AP3B1: variants seen among roughly 807,000 people sequenced by gnomAD.
AP3B1 encodes the protein AP-3 complex subunit beta-1.
A neutral mutation model predicts 132.5 loss-of-function variants in AP3B1; 61 were observed. The observed-to-expected ratio is 0.46, with a 90% CI of 0.37 to 0.57. The LOEUF (loss-of-function observed/expected upper bound fraction) is 0.57. AP3B1 is among the 20% of genes least tolerant of loss of function. The pLI, the probability that AP3B1 is intolerant of heterozygous loss-of-function variation, is 0.00. For synonymous variants in AP3B1, 388 were observed against 438.3 expected (o/e 0.89, Z 1.43); for missense variants, 1,120 against 1,289.4 (o/e 0.87, Z 2.01).
chr5:78,177,230 A>G, intron 9 of AP3B1, 109 bp downstream of exon 9: 1 of 736,868 alleles, frequency 1.4e-6, no homozygotes, highest in Admixed American at 2.5e-5. Context: ...TGATCGATTG[A>G]TTAAAATATA....
intron 17 of AP3B1, among the ~76,000 whole-genome samples, chr5:78,119,236 G>A (rs1478560601): frequency 6.6e-6 from 1 of 152,048 alleles, no homozygotes; most frequent in Non-Finnish European, 1.5e-5. Context: ...CACAAAGATG[G>A]GGAAAAAACA....
chr5:78,097,398 C>T (rs1442034719), intron 21 of AP3B1, among the ~76,000 whole-genome samples: 40 of 132,486 alleles, frequency 3.0e-4, no homozygotes, highest in African/African-American at 9.9e-4. Flanking sequence ...GTCAGCCCCC[C>T]GCCCGGCCAG....
intron 21 of AP3B1, among the ~76,000 whole-genome samples, chr5:78,096,601 T>C (rs1374290035): frequency 7.0e-6 from 1 of 143,630 alleles, no homozygotes; most frequent in Non-Finnish European, 1.5e-5. Context: ...GTCTGAGATG[T>C]GGGGAGCGCC....
At position 78,122,124 on chromosome 5, in the gene AP3B1, C is replaced by A. The variant is rs570520978; in HGVS notation, c.1969-5890G>T. On this transcript the variant is annotated intron_variant, in intron 17 of 26. Coordinates refer to ENST00000255194, the MANE Select transcript of AP3B1 (RefSeq NM_003664.5). ...ATGATTATCTCAATAGATGCAGAAA[C>A]GGCCTTTGACAAAATTCAACAACCC... 6.6e-3 allele frequency among the ~76,000 whole-genome samples: 997 copies of A among 152,070 alleles called. 8 individuals are homozygous for A. The highest frequency in any genetic ancestry group is 0.023 in the African/African-American group (951 of 41,468).
intron 6 of AP3B1, among the ~76,000 whole-genome samples, chr5:78,219,853 A>C (rs1029944821): frequency 1.5e-4 from 23 of 152,196 alleles, no homozygotes; most frequent in Non-Finnish European, 4.4e-5. Flanking sequence ...AAAGTTTAAT[A>C]GATCAACATC....
At chr5:78,188,446 A>G (rs1222723156) in intron 7 of AP3B1, among the ~76,000 whole-genome samples, 2 of 152,222 alleles carry the variant, frequency 1.3e-5, no homozygotes, top group African/African-American at 2.4e-5. Flanking sequence ...TCTCAAAAAA[A>G]GATATACATG....
In AP3B1 at chr5:78,073,071, G is replaced by C. The variant is rs534238607; in HGVS notation, c.2577+16322C>G. ...GGTTTTTACTTTTCTTTGATATTAG[G>C]GTTATATACTGTACTTGTTTTTACT... is the stretch of plus-strand genomic sequence containing the variant. On this transcript the variant is annotated intron_variant, in intron 22 of 26. Coordinates refer to ENST00000255194, the MANE Select transcript of AP3B1 (RefSeq NM_003664.5). Among the ~76,000 whole-genome samples, 7 of 152,090 alleles carry C rather than the reference G, an allele frequency of 4.6e-5. No individual in the cohort carries two copies. In the South Asian group the frequency reaches 1.5e-3, roughly 32 times the overall value.
chr5:78,274,032 GAA>G (rs57157997), intron 1 of AP3B1, among the ~76,000 whole-genome samples: 3,610 of 91,522 alleles, frequency 0.039, 91 homozygotes, highest in East Asian at 0.2. Flanking sequence ...AGAAAAAAAG[GAA>G]AAAAAAAAAA....
At chr5:78,045,026 C>T (rs1475808320) in intron 22 of AP3B1, among the ~76,000 whole-genome samples, 1 of 152,154 alleles carries the variant, frequency 6.6e-6, no homozygotes, top group African/African-American at 2.4e-5. Flanking sequence ...TCACAATAAA[C>T]AGGATCATAA....
In AP3B1 at chr5:78,107,426, C is replaced by T. The variant is rs544371599; in HGVS notation, c.2397+2781G>A. Reference sequence around the variant, plus strand: ...TCATGTACACACACTCTGTTTTTTTCACTCCATGCTCCCTCTCTCTCTCTT... The same window carrying T: ...TCATGTACACACACTCTGTTTTTTTTACTCCATGCTCCCTCTCTCTCTCTT... On this transcript the variant is annotated intron_variant, in intron 20 of 26. Transcript: ENST00000255194. Among the ~76,000 whole-genome samples the T allele has an allele frequency of 2.4e-4, 36 of 152,228 alleles. 1 individual carries two copies. Among genetic ancestry groups the T allele is most frequent in the African/African-American group, 8.7e-4 (36 of 41,550 alleles).
intron 15 of AP3B1, among the ~76,000 whole-genome samples, chr5:78,137,471 C>T (rs1752968199): frequency 6.6e-6 from 1 of 152,192 alleles, no homozygotes; most frequent in African/African-American, 2.4e-5. Flanking sequence ...CTCTTCTCTA[C>T]TTCCTCAAGC....
intron 1 of AP3B1, among the ~76,000 whole-genome samples, chr5:78,279,101 A>C (rs1364400331): frequency 6.6e-6 from 1 of 152,222 alleles, no homozygotes; most frequent in Non-Finnish European, 1.5e-5. Flanking sequence ...GGAAAGCAAG[A>C]TACATAGAGA....
intron 19 of AP3B1, among the ~76,000 whole-genome samples, chr5:78,113,431 A>C (rs925069306): frequency 6.6e-6 from 1 of 152,210 alleles, no homozygotes; most frequent in Non-Finnish European, 1.5e-5. Context: ...GAAGGATTTA[A>C]TTTTAGCCCT....
At chr5:78,129,034 A>T in intron 16 of AP3B1, 87 bp downstream of exon 16, 1 of 1,078,960 alleles carries the variant, frequency 9.3e-7, no homozygotes, top group Non-Finnish European at 1.3e-6. Flanking sequence ...ATTTCCTAAG[A>T]GATAAATTTT....
intron 2 of AP3B1, among the ~76,000 whole-genome samples, chr5:78,263,614 G>C (rs757792484): frequency 2.6e-5 from 4 of 152,290 alleles, no homozygotes; most frequent in Middle Eastern, 6.8e-3. Context: ...TGAGTGTGAT[G>C]CTAGTTTTGG....
intron 12 of AP3B1, among the ~76,000 whole-genome samples, chr5:78,163,615 GTA>G (rs201406567): frequency 0.042 from 5,996 of 143,776 alleles, 180 homozygotes; most frequent in East Asian, 0.13. Context: ...GTGTGTGTGT[GTA>G]TATATAGTAT....
chr5:78,154,714 T>C (rs554156692), intron 14 of AP3B1, among the ~76,000 whole-genome samples: 28 of 152,322 alleles, frequency 1.8e-4, no homozygotes, highest in Non-Finnish European at 3.8e-4. Context: ...TTCTTCTTCT[T>C]GATCAATTCT....
chr5:78,006,205 T>C (rs115900907), intron 26 of AP3B1, among the ~76,000 whole-genome samples: 152 of 152,330 alleles, frequency 1.0e-3, no homozygotes, highest in African/African-American at 3.3e-3. Flanking sequence ...CCCAGAGAAG[T>C]TGAAGAACTT....
At chr5:78,058,120 T>C (rs1241236791) in intron 22 of AP3B1, among the ~76,000 whole-genome samples, 1 of 152,216 alleles carries the variant, frequency 6.6e-6, no homozygotes, top group East Asian at 1.9e-4. Context: ...TAAATAAATA[T>C]TTTAAAATAT....
Sources: gnomAD v4.1 joint callset for allele counts (sites outside exome capture counted in the v4.1 genomes callset) on GRCh38, gnomAD v4.1.1 for gene constraint, MANE v1.5 for transcripts, NCBI Gene and HGNC (gene_info 2026-07-23, HGNC 2026-07-21) for gene names.